Variants in MPDZ observed in about 807,000 individuals in gnomAD.
MPDZ encodes multiple PDZ domain crumbs cell polarity complex component, also known as multiple PDZ domain protein.
Under a neutral mutation model 239.1 loss-of-function variants are expected in MPDZ, and 234 were observed. The observed-to-expected ratio is 0.98, with a 90% CI of 0.88 to 1.09. The LOEUF (loss-of-function observed/expected upper bound fraction) is 1.09, where lower values mean the gene tolerates loss of function less well. Among genes scored for constraint, MPDZ ranks in the 50% least tolerant of loss-of-function variants. The pLI is 0.00. For missense variants in MPDZ, 3,175 were observed against 2,510.0 expected, an observed-to-expected ratio of 1.26 and a Z score of -5.66; for synonymous variants, 1,048 against 881.3, an observed-to-expected ratio of 1.19 and a Z score of -3.35.
At chr9:13,197,349 G>C (rs1955780515) in intron 12 of MPDZ, among the ~76,000 whole-genome samples, 1 of 152,080 alleles carries the variant, frequency 6.6e-6, no homozygotes, top group Non-Finnish European at 1.5e-5. Flanking sequence ...CTGTTGCTCA[G>C]GCTGGTCTCA....
At chr9:13,141,625 T>A (rs531334255) in intron 27 of MPDZ, among the ~76,000 whole-genome samples, 2 of 152,284 alleles carry the variant, frequency 1.3e-5, no homozygotes, top group African/African-American at 4.8e-5. Flanking sequence ...TGACTTCTTG[T>A]AAGGATACAT....
At chr9:13,271,156 G>A (rs551139870) in intron 1 of MPDZ, among the ~76,000 whole-genome samples, 22 of 151,990 alleles carry the variant, frequency 1.4e-4, no homozygotes, top group Middle Eastern at 6.8e-3. Context: ...TACAATTACC[G>A]GTAGTATTTT....
chr9:13,172,387 G>GT (rs34008117), intron 21 of MPDZ, among the ~76,000 whole-genome samples: 62,430 of 145,384 alleles, frequency 0.43, 16,316 homozygotes, highest in African/African-American at 0.74. Flanking sequence ...TTTGTTTTTT[G>GT]TTTTTTTTTT....
intron 24 of MPDZ, 128 bp downstream of exon 24, chr9:13,157,890 T>A: frequency 1.4e-6 from 1 of 734,092 alleles, no homozygotes; most frequent in East Asian, 2.7e-5. Flanking sequence ...AAATGATGGG[T>A]TAGAAGTATT....
chr9:13,279,347 C>A (rs1274268046), intron 1 of MPDZ, 53 bp downstream of exon 1: 2 of 142,484 alleles, frequency 1.4e-5, no homozygotes, highest in Non-Finnish European at 3.1e-5. Context: ...GGCGCGCGCG[C>A]AGGGCGCGGG....
intron 3 of MPDZ, among the ~76,000 whole-genome samples, chr9:13,239,473 G>GT (rs1412044164): frequency 3.9e-5 from 6 of 152,200 alleles, no homozygotes; most frequent in Middle Eastern, 6.8e-3. Flanking sequence ...TGGGCACACA[G>GT]TAAGACTTTA....
chr9:13,135,990 A>G, intron 31 of MPDZ, 102 bp downstream of exon 31: 2 of 759,808 alleles, frequency 2.6e-6, no homozygotes, highest in Non-Finnish European at 4.3e-6. Flanking sequence ...TAACTTATCT[A>G]CCTCTAATAT....
chr9:13,116,959 G>A lies in MPDZ; in HGVS notation c.5380-1625C>T, dbSNP rs1187971016. 2.0e-5 allele frequency among the ~76,000 whole-genome samples: 3 copies of A among 152,024 alleles called. No individual in the cohort carries two copies. The South Asian group carries it at 6.2e-4, about 32-fold the overall frequency. ...CAGTAGTCCCCCTTTATTATAGGGGGGAATATGTTCTAAGACCCCCCGCCA... is the reference window on the plus strand; with the variant it reads ...CAGTAGTCCCCCTTTATTATAGGGGAGAATATGTTCTAAGACCCCCCGCCA... On this transcript the variant is annotated intron_variant, in intron 39 of 46. Coordinates refer to ENST00000319217, the MANE Select transcript of MPDZ (RefSeq NM_001378778.1).
In MPDZ at chr9:13,143,466, CT is replaced by C; in HGVS notation, c.3839del (p.Lys1280ArgfsTer65). On this transcript the variant is annotated frameshift_variant and splice_region_variant, in exon 27 of 47. Transcript: ENST00000319217. LOFTEE classifies it high-confidence loss of function. ...AGCAAGACAATGGGCATTATCCAAC[CT>C]TGTCGGCGTTGATTTGTAGAGAGTC... Reference protein sequence around the residue: ...FADSLQINADKAPSQSESEPE... With the variant: ...FADSLQINADXAPSQSESEPE... The C allele has an allele frequency of 6.2e-7, 1 of 1,609,920 alleles. No homozygotes were observed. Among genetic ancestry groups the C allele is most frequent in the Non-Finnish European group, 8.5e-7 (1 of 1,176,572 alleles).
intron 23 of MPDZ, 47 bp downstream of exon 23, chr9:13,162,644 A>G (rs762715616): frequency 4.7e-6 from 6 of 1,279,842 alleles, no homozygotes; most frequent in Admixed American, 3.8e-5. Flanking sequence ...CAAATTCTCT[A>G]CAACTTGCTG....
intron 19 of MPDZ, among the ~76,000 whole-genome samples, chr9:13,176,776 C>T (rs1341817977): frequency 3.3e-5 from 5 of 152,094 alleles, no homozygotes; most frequent in East Asian, 1.9e-4. Context: ...CCAAATCTCA[C>T]TTAAAGTGTA....
chr9:13,197,037 G>C (rs1045651593), intron 12 of MPDZ, among the ~76,000 whole-genome samples: 1 of 151,616 alleles, frequency 6.6e-6, no homozygotes, highest in Non-Finnish European at 1.5e-5. Context: ...TTTCTTATTA[G>C]TTGCCTCCTC....
At chr9:13,273,149 A>G (rs187145678) in intron 1 of MPDZ, among the ~76,000 whole-genome samples, 1 of 152,284 alleles carries the variant, frequency 6.6e-6, no homozygotes, top group Non-Finnish European at 1.5e-5. Context: ...TTGATCTGGT[A>G]CTTCCCAGCC....
At chr9:13,226,024 C>T (rs1229322530) in intron 3 of MPDZ, among the ~76,000 whole-genome samples, 6 of 152,068 alleles carry the variant, frequency 3.9e-5, no homozygotes, top group African/African-American at 1.4e-4. Flanking sequence ...CTCAAGGTGG[C>T]TAGGGGAACC....
Position 13,223,573 on chromosome 9 carries a change from A to G in MPDZ, c.531T>C (p.His177=), listed in dbSNP as rs753821685. Residue 177 remains histidine, a splice_region_variant and synonymous_variant, in exon 5 of 47, where the codon CAT becomes CAC. Transcript: ENST00000319217. ...AGAAGACGCCGCGACCATCTCACCT[A>G]TGGGCCACACTGCCCTCTTGTATCT... The part of the protein sequence containing the change: ...VQEIQEGSVA[H]RDGRLKETDQ... The G allele has an allele frequency of 2.5e-6, 4 of 1,610,152 alleles. No homozygotes were observed. The East Asian group carries it at 6.7e-5, about 27-fold the overall frequency.
At chr9:13,221,525 T>C in intron 6 of MPDZ, 25 bp from the exon 7 acceptor site, 1 of 1,598,580 alleles carries the variant, frequency 6.3e-7, no homozygotes. Flanking sequence ...CATATATGAA[T>C]TTGTAGAAAT....
chr9:13,269,691 G>A (rs1186281093), intron 1 of MPDZ, among the ~76,000 whole-genome samples: 1 of 152,148 alleles, frequency 6.6e-6, no homozygotes, highest in Non-Finnish European at 1.5e-5. Flanking sequence ...AGAATTCCTA[G>A]AGAGAACCCT....
At chr9:13,221,205 C>T (rs1959056165) in intron 7 of MPDZ, among the ~76,000 whole-genome samples, 167 bp downstream of exon 7, 1 of 151,934 alleles carries the variant, frequency 6.6e-6, no homozygotes, top group Non-Finnish European at 1.5e-5. Flanking sequence ...TATTCCTCCC[C>T]TAGGTCTAAG....
intron 3 of MPDZ, among the ~76,000 whole-genome samples, chr9:13,226,063 G>C (rs1960479831): frequency 6.6e-6 from 1 of 152,028 alleles, no homozygotes; most frequent in Non-Finnish European, 1.5e-5. Flanking sequence ...CATCATAAGT[G>C]AGGGTGGTTT....
Sources: gnomAD v4.1 joint callset for allele counts (sites outside exome capture counted in the v4.1 genomes callset) on GRCh38, gnomAD v4.1.1 for gene constraint, MANE v1.5 for transcripts, NCBI Gene and HGNC (gene_info 2026-07-23, HGNC 2026-07-21) for gene names.